PRKCA: variants seen among roughly 807,000 people sequenced by gnomAD.
PRKCA encodes the protein protein kinase C alpha.
PRKCA carries 27 observed loss-of-function variants against 87.0 expected under a neutral mutation model. That is an observed-to-expected ratio of 0.31 (90% CI 0.23 to 0.43). The LOEUF (loss-of-function observed/expected upper bound fraction) is 0.43, where lower values mean the gene tolerates loss of function less well. PRKCA is among the 20% of genes least tolerant of loss of function. PRKCA has a pLI of 1.00. For missense variants in PRKCA, 518 were observed against 852.3 expected (o/e 0.61, Z 4.88); for synonymous variants, 329 against 311.1 (o/e 1.06, Z -0.61).
chr17:66,667,193 G>A (rs918855464), intron 5 of PRKCA, among the ~76,000 whole-genome samples: 12 of 152,192 alleles, frequency 7.9e-5, no homozygotes, highest in Non-Finnish European at 1.6e-4. Context: ...TCAGTTGGAG[G>A]TTAGGGATCT....
At chr17:66,542,451 T>C (rs554300157) in intron 3 of PRKCA, among the ~76,000 whole-genome samples, 1 of 151,302 alleles carries the variant, frequency 6.6e-6, no homozygotes, top group African/African-American at 2.4e-5. Context: ...ACCATGGGGG[T>C]GAGAGCAAGG....
chr17:66,623,454 T>C (rs933633451), intron 3 of PRKCA, among the ~76,000 whole-genome samples: 4 of 152,230 alleles, frequency 2.6e-5, no homozygotes. Context: ...ATTGTCATTA[T>C]CTTCAGCAAA....
intron 2 of PRKCA, among the ~76,000 whole-genome samples, chr17:66,396,533 CAT>C (rs1206033438): frequency 2.0e-5 from 3 of 151,506 alleles, no homozygotes; most frequent in Non-Finnish European, 4.4e-5. Flanking sequence ...TTACACTTGT[CAT>C]GTGTATTTTC....
chr17:66,654,282 G>A (rs751145961), intron 5 of PRKCA, among the ~76,000 whole-genome samples: 17 of 152,296 alleles, frequency 1.1e-4, no homozygotes, highest in South Asian at 2.1e-4. Flanking sequence ...GAGAAGCTCC[G>A]GGTGTTTCTT....
intron 2 of PRKCA, among the ~76,000 whole-genome samples, chr17:66,470,377 C>T (rs1185318104): frequency 1.7e-5 from 2 of 115,870 alleles, no homozygotes; most frequent in African/African-American, 4.2e-5. Flanking sequence ...AGGCACCCCC[C>T]GCCACCATGC....
chr17:66,589,311 A>G lies in PRKCA; in HGVS notation c.289-52044A>G, dbSNP rs147661630. Among the ~76,000 whole-genome samples the G allele has an allele frequency of 8.5e-5, 13 of 152,280 alleles. No individual in the cohort carries two copies. The South Asian group carries it at 2.7e-3, about 32-fold the overall frequency. On this transcript the variant is annotated intron_variant, in intron 3 of 16. Transcript: ENST00000413366. ...TCCTGTTAAACTTTTTCTAATACAT[A>G]TGAGTATGTGAATATCATATAACTA...
At chr17:66,781,921 T>TGTGA (rs1975240239) in intron 14 of PRKCA, among the ~76,000 whole-genome samples, 10 of 147,882 alleles carry the variant, frequency 6.8e-5, no homozygotes, top group African/African-American at 2.5e-4. Flanking sequence ...TGTGTGTGAG[T>TGTGA]GAGTGTGAGT....
At chr17:66,305,907 T>C (rs1352260716) in intron 1 of PRKCA, among the ~76,000 whole-genome samples, 189 bp from the exon 2 acceptor site, 1 of 152,078 alleles carries the variant, frequency 6.6e-6, no homozygotes, top group Non-Finnish European at 1.5e-5. Context: ...ATAGGCAAGA[T>C]TTTTTTCCCC....
chr17:66,623,233 A>G (rs1025640136), intron 3 of PRKCA, among the ~76,000 whole-genome samples: 1 of 152,252 alleles, frequency 6.6e-6, no homozygotes, highest in African/African-American at 2.4e-5. Flanking sequence ...CAATGTAAGT[A>G]TCACTTGATT....
intron 2 of PRKCA, among the ~76,000 whole-genome samples, chr17:66,494,688 T>C (rs1185879872): frequency 6.6e-6 from 1 of 152,230 alleles, no homozygotes; most frequent in African/African-American, 2.4e-5. Context: ...TAACATGTTG[T>C]TATTATTCAA....
At chr17:66,495,712 C>T (rs1567858388) in intron 2 of PRKCA, among the ~76,000 whole-genome samples, 1 of 151,588 alleles carries the variant, frequency 6.6e-6, no homozygotes, top group Non-Finnish European at 1.5e-5. Flanking sequence ...ATCACTATGG[C>T]CAGCTAATTT....
At chr17:66,335,429 A>G (rs114109981) in intron 2 of PRKCA, among the ~76,000 whole-genome samples, 5 of 151,926 alleles carry the variant, frequency 3.3e-5, no homozygotes, top group Admixed American at 1.3e-4. Context: ...GCCTCTACAC[A>G]TAGTGGGAAG....
chr17:66,342,149 C>T (rs916585851), intron 2 of PRKCA, among the ~76,000 whole-genome samples: 3 of 152,082 alleles, frequency 2.0e-5, no homozygotes, highest in Non-Finnish European at 4.4e-5. Flanking sequence ...CATGGCGGGG[C>T]GCGGTGGCTC....
intron 2 of PRKCA, among the ~76,000 whole-genome samples, chr17:66,353,403 C>T (rs1907870377): frequency 6.6e-6 from 1 of 152,106 alleles, no homozygotes; most frequent in Non-Finnish European, 1.5e-5. Context: ...GTTTGCTTTC[C>T]CTTCCGACTT....
At chr17:66,727,123 G>C (rs551334738) in intron 8 of PRKCA, among the ~76,000 whole-genome samples, 5 of 152,314 alleles carry the variant, frequency 3.3e-5, no homozygotes, top group African/African-American at 1.2e-4. Flanking sequence ...CCAAACGCTG[G>C]TGGGACCTCG....
chr17:66,777,422 C>A (rs979198577), intron 14 of PRKCA: 4 of 128,994 alleles, frequency 3.1e-5, no homozygotes, highest in South Asian at 3.3e-4. Flanking sequence ...TTATTTAGTT[C>A]CCCTCCCCCC....
chr17:66,337,611 C>T (rs923400894), intron 2 of PRKCA, among the ~76,000 whole-genome samples: 3 of 152,032 alleles, frequency 2.0e-5, no homozygotes, highest in Non-Finnish European at 4.4e-5. Context: ...GTCTCAAACT[C>T]CCGGTCTTAA....
chr17:66,537,697 T>C (rs900311278), intron 3 of PRKCA, among the ~76,000 whole-genome samples: 5 of 152,202 alleles, frequency 3.3e-5, no homozygotes, highest in African/African-American at 1.2e-4. Context: ...CTGAACAAAA[T>C]AGAAGTATTT....
At chr17:66,507,744 C>T (rs1159813435) in intron 3 of PRKCA, among the ~76,000 whole-genome samples, 3 of 152,150 alleles carry the variant, frequency 2.0e-5, no homozygotes, top group Non-Finnish European at 4.4e-5. Context: ...AAAGCCAGCC[C>T]AGAGAGCTTT....
Sources: gnomAD v4.1 joint callset for allele counts (sites outside exome capture counted in the v4.1 genomes callset) on GRCh38, gnomAD v4.1.1 for gene constraint, MANE v1.5 for transcripts, NCBI Gene and HGNC (gene_info 2026-07-23, HGNC 2026-07-21) for gene names.